CHRM5: variants seen among roughly 807,000 people sequenced by gnomAD.
CHRM5 encodes the protein muscarinic acetylcholine receptor M5.
In CHRM5, 18 loss-of-function variants were observed where a neutral mutation model predicts 39.0. That is an observed-to-expected ratio of 0.46 (90% CI 0.32 to 0.68). The LOEUF is 0.68. Among genes scored for constraint, CHRM5 ranks in the 30% least tolerant of loss-of-function variants. The pLI, the probability that CHRM5 is intolerant of heterozygous loss-of-function variation, is 0.04. For synonymous variants in CHRM5, 241 were observed against 246.3 expected, an observed-to-expected ratio of 0.98 and a Z score of 0.20; for missense variants, 515 against 651.1, an observed-to-expected ratio of 0.79 and a Z score of 2.28.
chr15:33,985,411 G>GTTCCTTTGTTACCAGAAAGGAA (rs1896387658), intron 1 of CHRM5, among the ~76,000 whole-genome samples: 7 of 150,782 alleles, frequency 4.6e-5, no homozygotes, highest in Non-Finnish European at 5.9e-5. Context: ...TGAGCTGAGT[G>GTTCCTTTGTTACCAGAAAGGAA]CATGCCCTCA....
intron 1 of CHRM5, among the ~76,000 whole-genome samples, chr15:34,007,864 A>C (rs1183994397): frequency 6.6e-6 from 1 of 152,180 alleles, no homozygotes; most frequent in African/African-American, 2.4e-5. Flanking sequence ...GGTTGCTGGC[A>C]ACCTTAGCAT....
In CHRM5 at chr15:34,063,530, G is replaced by A; in HGVS notation, c.813G>A (p.Trp271Ter). Residue 271 changes from tryptophan to a stop codon, truncating the protein, a stop_gained, in exon 3 of 3, where the codon TGG becomes TGA. Transcript: ENST00000383263. LOFTEE classifies it high-confidence loss of function. This position sits in a 1 kb window ranked among gnomAD's most constrained non-coding sequence, Gnocchi z 4.1. ...AGCGGGAAAGGAACCAGGCCTCCTGGTCATCCTCCCGCAGGAGCACCTCCA... is the reference window on the plus strand; with the variant it reads ...AGCGGGAAAGGAACCAGGCCTCCTGATCATCCTCCCGCAGGAGCACCTCCA... ...LAQRERNQAS[W>*]SSSRRSTSTT... The A allele has an allele frequency of 6.2e-7, 1 of 1,613,606 alleles. No homozygotes were observed. The highest frequency in any genetic ancestry group is 8.5e-7 in the Non-Finnish European group (1 of 1,180,032).
chr15:34,027,446 T>G (rs1402284849), intron 1 of CHRM5, among the ~76,000 whole-genome samples: 1 of 151,216 alleles, frequency 6.6e-6, no homozygotes, highest in African/African-American at 2.4e-5. Flanking sequence ...GGAGAATCGC[T>G]TGAACCCGGA....
At chr15:34,038,776 T>C (rs1245404441) in intron 1 of CHRM5, 2 of 1,171,462 alleles carry the variant, frequency 1.7e-6, no homozygotes, top group Non-Finnish European at 2.1e-6. Context: ...CCGTCGCCTC[T>C]TACCGGCGCG....
intron 1 of CHRM5, among the ~76,000 whole-genome samples, chr15:33,983,170 G>GTATA (rs1555512775): frequency 0.013 from 1,626 of 126,508 alleles, 47 homozygotes; most frequent in African/African-American, 0.047. Flanking sequence ...ATGTGTGTGT[G>GTATA]TATATATACA....
At position 34,063,347 on chromosome 15, in the gene CHRM5, C is replaced by A. The variant is rs544152056; in HGVS notation, c.630C>A (p.Thr210=). ...AAFYIPVSVM[T]ILYCRIYRET... ...TCTACATCCCTGTTTCTGTCATGACCATCCTCTACTGTCGAATCTACCGGG... is the reference window on the plus strand; with the variant it reads ...TCTACATCCCTGTTTCTGTCATGACAATCCTCTACTGTCGAATCTACCGGG... Residue 210 remains threonine, a synonymous_variant, in exon 3 of 3, where the codon ACC becomes ACA. Transcript: ENST00000383263. The surrounding 1 kb of genome is among the most constrained non-coding windows in gnomAD (Gnocchi z 4.1). The A allele has an allele frequency of 4.3e-6, 7 of 1,614,154 alleles. No homozygotes were observed. The South Asian group carries it at 6.6e-5, about 15-fold the overall frequency.
chr15:33,999,030 C>T (rs1023561134), intron 1 of CHRM5, among the ~76,000 whole-genome samples: 1 of 152,246 alleles, frequency 6.6e-6, no homozygotes, highest in African/African-American at 2.4e-5. Context: ...AGATGTTGTG[C>T]TGGGTCTCTT....
intron 2 of CHRM5, among the ~76,000 whole-genome samples, chr15:34,050,320 C>A (rs1216036878): frequency 6.6e-6 from 1 of 152,176 alleles, no homozygotes; most frequent in East Asian, 1.9e-4. Flanking sequence ...ATTGGGCCTG[C>A]CTTGCAAGAG....
At chr15:34,041,901 A>G (rs1899490374) in intron 1 of CHRM5, among the ~76,000 whole-genome samples, 1 of 152,222 alleles carries the variant, frequency 6.6e-6, no homozygotes, top group Non-Finnish European at 1.5e-5. Flanking sequence ...TCTATTCTGC[A>G]GATGCCCTCA....
At chr15:34,056,995 C>T (rs548217680) in intron 2 of CHRM5, among the ~76,000 whole-genome samples, 1 of 152,278 alleles carries the variant, frequency 6.6e-6, no homozygotes, top group South Asian at 2.1e-4. Context: ...ACTATGATCA[C>T]ACCACTGCAA....
chr15:33,968,543 C>T lies in CHRM5; in HGVS notation c.-1015C>T, dbSNP rs999828406. ...CGTCCAGAGACATGATAAAGCCGTA[C>T]TTCCTTCTGGATTTTTACCTCACTA... On this transcript the variant is annotated 5_prime_UTR_variant, in exon 1 of 3. Coordinates refer to ENST00000383263, the MANE Select transcript of CHRM5 (RefSeq NM_012125.4). 6.6e-6 allele frequency among the ~76,000 whole-genome samples: 1 copy of T among 152,122 alleles called. No homozygotes were observed. The highest frequency in any genetic ancestry group is 2.4e-5 in the African/African-American group (1 of 41,452).
intron 1 of CHRM5, among the ~76,000 whole-genome samples, chr15:34,034,704 A>T (rs1899035629): frequency 6.6e-6 from 1 of 152,224 alleles, no homozygotes. Context: ...TGAGAAAAGC[A>T]ACTTAAAAAC....
intron 1 of CHRM5, among the ~76,000 whole-genome samples, chr15:34,015,037 C>G (rs980446231): frequency 6.6e-6 from 1 of 152,064 alleles, no homozygotes; most frequent in East Asian, 1.9e-4. Context: ...AGTCCTGAAG[C>G]CTGAAAAGCT....
intron 1 of CHRM5, among the ~76,000 whole-genome samples, chr15:33,994,056 CA>C (rs1896836312): frequency 6.6e-6 from 1 of 152,204 alleles, no homozygotes; most frequent in African/African-American, 2.4e-5. Context: ...TTCTCTAGAA[CA>C]GGGGGTCCCC....
At chr15:33,973,604 G>A (rs1895733022) in intron 1 of CHRM5, among the ~76,000 whole-genome samples, 1 of 152,168 alleles carries the variant, frequency 6.6e-6, no homozygotes, top group African/African-American at 2.4e-5. Flanking sequence ...CACTCTGGGA[G>A]GCCAAAGCTG....
chr15:33,974,130 G>C (rs1895767521), intron 1 of CHRM5, among the ~76,000 whole-genome samples: 1 of 152,168 alleles, frequency 6.6e-6, no homozygotes, highest in Admixed American at 6.5e-5. Flanking sequence ...AATCACGTTT[G>C]CTATACTACT....
At chr15:34,007,386 C>T (rs1897402759) in intron 1 of CHRM5, among the ~76,000 whole-genome samples, 1 of 152,202 alleles carries the variant, frequency 6.6e-6, no homozygotes, top group East Asian at 1.9e-4. Flanking sequence ...CGGCCCCTTA[C>T]ATATTCATAT....
intron 1 of CHRM5, among the ~76,000 whole-genome samples, chr15:33,985,839 A>G (rs1896421910): frequency 6.6e-6 from 1 of 152,152 alleles, no homozygotes; most frequent in East Asian, 1.9e-4. Context: ...GAAATGTTCA[A>G]AAATAGAAGT....
intron 1 of CHRM5, among the ~76,000 whole-genome samples, chr15:33,977,465 T>C (rs960957257): frequency 6.6e-6 from 1 of 152,158 alleles, no homozygotes; most frequent in African/African-American, 2.4e-5. Flanking sequence ...TTTCAAACCT[T>C]GACATTCTCT....
Sources: gnomAD v4.1 joint callset for allele counts (sites outside exome capture counted in the v4.1 genomes callset) on GRCh38, gnomAD v4.1.1 for gene constraint, Gnocchi (gnomAD v3.1) non-coding constraint, MANE v1.5 for transcripts, NCBI Gene and HGNC (gene_info 2026-07-23, HGNC 2026-07-21) for gene names.